Variants in PDZD2 observed in about 807,000 individuals in gnomAD.
The protein encoded by PDZD2 is PDZ domain-containing protein 2.
A neutral mutation model predicts 220.7 loss-of-function variants in PDZD2; 90 were observed. The observed-to-expected ratio is 0.41, with a 90% CI of 0.34 to 0.49. The LOEUF (loss-of-function observed/expected upper bound fraction) is 0.49. Ranked by LOEUF, PDZD2 falls within the 20% of genes least tolerant of loss-of-function variation. The pLI, the probability that PDZD2 is intolerant of heterozygous loss-of-function variation, is 0.28. For synonymous variants in PDZD2, 1,375 were observed against 1,450.5 expected (o/e 0.95, Z 1.18); for missense variants, 3,174 against 3,608.5 (o/e 0.88, Z 3.08).
chr5:32,092,538 C>T (rs1396027315), intron 20 of PDZD2, among the ~76,000 whole-genome samples: 1 of 152,246 alleles, frequency 6.6e-6, no homozygotes, highest in Non-Finnish European at 1.5e-5. Flanking sequence ...TGCCACTGCA[C>T]TCCAGCCTGG....
chr5:31,894,791 A>C (rs1741387175), intron 2 of PDZD2, among the ~76,000 whole-genome samples: 1 of 152,214 alleles, frequency 6.6e-6, no homozygotes, highest in Non-Finnish European at 1.5e-5. Context: ...AATGCCCCAG[A>C]AGGGGAACCA....
At chr5:31,954,154 G>C (rs192538761) in intron 2 of PDZD2, among the ~76,000 whole-genome samples, 1 of 151,854 alleles carries the variant, frequency 6.6e-6, no homozygotes, top group East Asian at 1.9e-4. Flanking sequence ...ATGGTTTTGC[G>C]AGTGGTGTGA....
At chr5:31,837,016 A>AAAAGAAAG (rs5867108) in intron 2 of PDZD2, among the ~76,000 whole-genome samples, 2,686 of 146,614 alleles carry the variant, frequency 0.018, 59 homozygotes, top group Admixed American at 0.051. Flanking sequence ...AGACTGTCTT[A>AAAAGAAAG]AAAGAAAGAA....
chr5:31,893,982 C>T (rs909866756), intron 2 of PDZD2, among the ~76,000 whole-genome samples: 2 of 151,892 alleles, frequency 1.3e-5, no homozygotes, highest in African/African-American at 4.8e-5. Flanking sequence ...GCAACCTCCA[C>T]CTCCCGGGTT....
At chr5:31,926,410 C>T (rs1403893541) in intron 2 of PDZD2, among the ~76,000 whole-genome samples, 3 of 150,382 alleles carry the variant, frequency 2.0e-5, no homozygotes, top group Non-Finnish European at 4.4e-5. Context: ...CCTGTACTCC[C>T]GGCTACTCCA....
chr5:32,011,980 G>A (rs557275467), intron 6 of PDZD2, among the ~76,000 whole-genome samples: 10 of 152,278 alleles, frequency 6.6e-5, no homozygotes, highest in South Asian at 6.2e-4. Context: ...GTGCTGGCAC[G>A]GCAGTTACCC....
Position 32,013,194 on chromosome 5 carries a change from A to G in PDZD2, c.1407+2712A>G, listed in dbSNP as rs191100453. On this transcript the variant is annotated intron_variant, in intron 6 of 24. Transcript: ENST00000438447. Reference sequence around the variant, plus strand: ...AGGGTCTTCTGAAACATGATTTATAATGGTTAATATTCCTTAACATGAAAG... The same window carrying G: ...AGGGTCTTCTGAAACATGATTTATAGTGGTTAATATTCCTTAACATGAAAG... Among the ~76,000 whole-genome samples, 85 of 152,328 alleles carry G rather than the reference A, an allele frequency of 5.6e-4. 1 individual carries two copies. The East Asian group carries it at 9.4e-3, about 17-fold the overall frequency.
intron 8 of PDZD2, among the ~76,000 whole-genome samples, chr5:32,051,331 T>C (rs1418910305): frequency 1.3e-5 from 2 of 152,168 alleles, no homozygotes; most frequent in Non-Finnish European, 2.9e-5. Context: ...GAGGCCAACA[T>C]TGTTGGCAGA....
chr5:31,920,706 A>G (rs1744169580), intron 2 of PDZD2, among the ~76,000 whole-genome samples: 1 of 152,120 alleles, frequency 6.6e-6, no homozygotes, highest in Non-Finnish European at 1.5e-5. Flanking sequence ...CCAAATGTAT[A>G]ATGACATGTA....
At chr5:31,974,465 G>C (rs1355333885) in intron 2 of PDZD2, among the ~76,000 whole-genome samples, 4 of 152,136 alleles carry the variant, frequency 2.6e-5, no homozygotes, top group African/African-American at 9.7e-5. Flanking sequence ...CCTTTTACAG[G>C]CTTAATGTTG....
intron 2 of PDZD2, among the ~76,000 whole-genome samples, chr5:31,900,249 C>G (rs972134418): frequency 6.6e-6 from 1 of 152,152 alleles, no homozygotes; most frequent in African/African-American, 2.4e-5. Flanking sequence ...ACCAGCTTTC[C>G]GTAGTCCTGG....
In PDZD2 at chr5:32,083,919, T is replaced by G. The variant is rs1231978278; in HGVS notation, c.3683-3212T>G. Among the ~76,000 whole-genome samples, 2 of 152,136 alleles carry G rather than the reference T, an allele frequency of 1.3e-5. No homozygotes were observed. The highest frequency in any genetic ancestry group is 6.6e-5 in the Admixed American group (1 of 15,262). On this transcript the variant is annotated intron_variant, in intron 19 of 24. Coordinates refer to ENST00000438447, the MANE Select transcript of PDZD2 (RefSeq NM_178140.4). The surrounding 1 kb of genome is among the most constrained non-coding windows in gnomAD (Gnocchi z 4.1). ...TTCGAACTCCTGACCTCAAGTGATCTGCCTGGCCTCAGCATCCCAAAGTGC... is the reference window on the plus strand; with the variant it reads ...TTCGAACTCCTGACCTCAAGTGATCGGCCTGGCCTCAGCATCCCAAAGTGC...
chr5:32,088,641 A>G lies in PDZD2; in HGVS notation c.5193A>G (p.Val1731=). Residue 1731 remains valine (V), a synonymous_variant, in exon 20 of 25, where the codon GTA becomes GTG. Transcript: ENST00000438447. The surrounding 1 kb of genome is among the most constrained non-coding windows in gnomAD (Gnocchi z 4.6). ...TCATTCTCAGCTCCCCCAACATGGT[A>G]AATGGCTTGGAACATGACCTGCTAG... ...PPIILSSPNM[V]NGLEHDLLDD... is the part of the protein sequence containing the mutation. 1 of 1,614,070 alleles carries G rather than the reference A, an allele frequency of 6.2e-7. No individual in the cohort carries two copies. The highest frequency in any genetic ancestry group is 8.5e-7 in the Non-Finnish European group (1 of 1,179,916).
At position 32,098,452 on chromosome 5, in the gene PDZD2, T is replaced by C; in HGVS notation, c.8036T>C (p.Leu2679Pro). 1.9e-6 allele frequency: 3 copies of C among 1,614,212 alleles called. No individual in the cohort carries two copies. Among genetic ancestry groups the C allele is most frequent in the Non-Finnish European group, 2.5e-6 (3 of 1,180,026 alleles). ...CTTCTGTCAGTCAACGGCGCCTCAC[T>C]GGCTGGCTTAGCCCACGGGAATGTC... The part of the protein sequence containing the change: ...DFLLSVNGAS[L>P]AGLAHGNVLK... Residue 2679 changes from leucine to proline, a missense_variant, in exon 23 of 25, where the codon CTG (leucine) becomes CCG (proline). Physicochemically the swap from Leu to Pro is moderately conservative, Grantham distance 98 (BLOSUM62 -3). This residue lies in a region of PDZD2 where 631 missense variants were observed against 789.9 expected (regional missense o/e 0.80). Coordinates refer to ENST00000438447, the MANE Select transcript of PDZD2 (RefSeq NM_178140.4). This position sits in a 1 kb window ranked among gnomAD's most constrained non-coding sequence, Gnocchi z 4.1.
intron 2 of PDZD2, among the ~76,000 whole-genome samples, chr5:31,841,218 C>T (rs979646311): frequency 6.6e-6 from 1 of 152,196 alleles, no homozygotes; most frequent in Non-Finnish European, 1.5e-5. Flanking sequence ...TACACACACA[C>T]ACACACACAC....
Position 31,773,153 on chromosome 5 carries a change from A to C in PDZD2, c.-360-25736A>C, listed in dbSNP as rs116895345. ...AGGGAGCATGTAGGAAGTAGGAAAAAACAAGATAGAATTTTATTTACTTTC... is the reference window on the plus strand; with the variant it reads ...AGGGAGCATGTAGGAAGTAGGAAAACACAAGATAGAATTTTATTTACTTTC... On this transcript the variant is annotated intron_variant, in intron 1 of 24. Coordinates refer to ENST00000438447, the MANE Select transcript of PDZD2 (RefSeq NM_178140.4). Among the ~76,000 whole-genome samples the C allele has an allele frequency of 2.0e-5, 3 of 152,338 alleles. No homozygotes were observed. In the East Asian group the frequency reaches 5.8e-4, roughly 29 times the overall value.
At chr5:32,028,962 C>A (rs937224698) in intron 6 of PDZD2, among the ~76,000 whole-genome samples, 1 of 152,102 alleles carries the variant, frequency 6.6e-6, no homozygotes, top group Non-Finnish European at 1.5e-5. Flanking sequence ...GGATTGCAGG[C>A]GTGAGTCACC....
chr5:32,033,660 C>T (rs1755298035), intron 6 of PDZD2, among the ~76,000 whole-genome samples: 1 of 151,856 alleles, frequency 6.6e-6, no homozygotes, highest in Non-Finnish European at 1.5e-5. Context: ...CGCTCTTTTG[C>T]CCAGGCTGGA....
chr5:32,027,598 G>A (rs1309955804), intron 6 of PDZD2, among the ~76,000 whole-genome samples: 2 of 152,182 alleles, frequency 1.3e-5, no homozygotes, highest in African/African-American at 2.4e-5. Flanking sequence ...CATGCCCGGC[G>A]TGTACCAGAG....
Sources: gnomAD v4.1 joint callset for allele counts (sites outside exome capture counted in the v4.1 genomes callset) on GRCh38, gnomAD v4.1.1 for gene constraint, gnomAD v4.1.1 regional missense constraint, Gnocchi (gnomAD v3.1) non-coding constraint, MANE v1.5 for transcripts, NCBI Gene and HGNC (gene_info 2026-07-23, HGNC 2026-07-21) for gene names.